The following LYPD5 variants were observed in gnomAD, a reference collection of about 807,000 sequenced individuals.
LYPD5 encodes the protein LY6/PLAUR domain containing 5.
In LYPD5, 21 loss-of-function variants were observed where a neutral mutation model predicts 19.1. That is an observed-to-expected ratio of 1.10 (90% confidence interval 0.78 to 1.58). The LOEUF (loss-of-function observed/expected upper bound fraction) is 1.58. Among genes scored for constraint, LYPD5 ranks in the 40% most tolerant of loss-of-function variants. The pLI is 0.00. For synonymous variants in LYPD5, 128 were observed against 142.7 expected (o/e 0.90, Z 0.74); for missense variants, 287 against 329.8 (o/e 0.87, Z 1.00).
At chr19:43,797,885 T>C (rs1970155588) in intron 4 of LYPD5, 56 bp from the exon 5 acceptor site, 3 of 1,353,916 alleles carry the variant, frequency 2.2e-6, no homozygotes, top group Non-Finnish European at 3.1e-6. Context: ...CAGCTGCACC[T>C]GAACCTTCAC....
chr19:43,802,430 T>G lies in LYPD5; in HGVS notation c.-50A>C. The G allele has an allele frequency of 6.6e-7, 1 of 1,522,066 alleles. No homozygotes were observed. Among genetic ancestry groups the G allele is most frequent in the Non-Finnish European group, 8.9e-7 (1 of 1,120,390 alleles). 94.3% of individuals were successfully genotyped at this position (1,522,066 alleles called of 1,614,324 possible). ...GCTCCTCCCGCTGTGATGTGCTGCC[T>G]GGCTGGTTCTCCTTACTGAGTCCTA... On this transcript the variant is annotated 5_prime_UTR_variant, in exon 1 of 5. Coordinates refer to ENST00000377950, the MANE Select transcript of LYPD5 (RefSeq NM_001031749.3).
intron 1 of LYPD5, among the ~76,000 whole-genome samples, chr19:43,801,361 C>T (rs920167350): frequency 7.2e-5 from 11 of 152,142 alleles, no homozygotes; most frequent in South Asian, 2.1e-4. Flanking sequence ...ATTAGCCAGG[C>T]GCAGTGGCAC....
At chr19:43,806,786 C>T (rs150069226), upstream of LYPD5, among the ~76,000 whole-genome samples, 1,723 of 152,224 alleles carry the variant, frequency 0.011, 14 homozygotes, top group Non-Finnish European at 0.016. Context: ...AGAAATAAAA[C>T]GCACAATAAA....
chr19:43,802,480 C>A, upstream of LYPD5: 1 of 1,124,754 alleles, frequency 8.9e-7, no homozygotes, highest in Non-Finnish European at 1.3e-6. Context: ...CCAGCCTGGC[C>A]AGTATTTCTT....
chr19:43,798,383 G>T, intron 4 of LYPD5, 72 bp downstream of exon 4: 2 of 1,556,320 alleles, frequency 1.3e-6, no homozygotes, highest in South Asian at 2.3e-5. Context: ...GGCCTGTCTG[G>T]TATCACTACC....
At chr19:43,820,298 C>G (rs565001921) in intron 1 of LYPD5, among the ~76,000 whole-genome samples, 1 of 152,304 alleles carries the variant, frequency 6.6e-6, no homozygotes, top group East Asian at 1.9e-4. Context: ...GGCACGTGCA[C>G]TCTCATACAG....
upstream of LYPD5, chr19:43,802,556 CA>C: frequency 2.4e-6 from 1 of 412,826 alleles, no homozygotes; most frequent in South Asian, 2.9e-5. Context: ...GGGTGATCCT[CA>C]GTTGCTGGAG....
chr19:43,818,928 T>C (rs895147955), intron 1 of LYPD5, among the ~76,000 whole-genome samples: 1 of 152,234 alleles, frequency 6.6e-6, no homozygotes, highest in African/African-American at 2.4e-5. Context: ...TGTCAATTCT[T>C]TAAGTTATAG....
chr19:43,800,662 T>C (rs1970211245), intron 1 of LYPD5, among the ~76,000 whole-genome samples: 1 of 151,832 alleles, frequency 6.6e-6, no homozygotes, highest in Non-Finnish European at 1.5e-5. Context: ...AAACATACAG[T>C]TTAAAATCAT....
chr19:43,804,134 G>A (rs1970251730), upstream of LYPD5, among the ~76,000 whole-genome samples: 3 of 152,142 alleles, frequency 2.0e-5, no homozygotes, highest in South Asian at 4.1e-4. Flanking sequence ...CACTGTGCCC[G>A]GCCTTCTCTG....
intron 1 of LYPD5, among the ~76,000 whole-genome samples, chr19:43,815,207 C>G (rs1224902050): frequency 2.0e-5 from 3 of 152,004 alleles, no homozygotes; most frequent in Admixed American, 6.6e-5. Flanking sequence ...AAAAATGAGT[C>G]AGAACAAAAT....
chr19:43,812,123 CTT>C, intron 1 of LYPD5, among the ~76,000 whole-genome samples: 1 of 152,264 alleles, frequency 6.6e-6, no homozygotes, highest in East Asian at 1.9e-4. Flanking sequence ...CTAGCTTGAA[CTT>C]TATCACATGG....
upstream of LYPD5, among the ~76,000 whole-genome samples, chr19:43,807,276 C>CTTTTTTTTTTTTTTTTTTT (rs1251451176): frequency 1.4e-5 from 2 of 144,094 alleles, no homozygotes. Context: ...CTTTTCTTTT[C>CTTTTTTTTTTTTTTTTTTT]TTTTCTTTTT....
Position 43,797,798 on chromosome 19 carries a change from G to A in LYPD5, c.549C>T (p.Thr183=). 3 of 1,613,878 alleles carry A rather than the reference G, an allele frequency of 1.9e-6. No individual in the cohort carries two copies. Among genetic ancestry groups the A allele is most frequent in the Non-Finnish European group, 2.5e-6 (3 of 1,179,894 alleles). The part of the protein sequence containing the change: ...GNFSVPVYIR[T]CHRPSCTTEG... ...CGGTGGTGCAGGAGGGCCGGTGGCA[G>A]GTTCTGATGTACACAGGGACTGAGA... is the stretch of plus-strand genomic sequence containing the variant. Residue 183 remains threonine, a synonymous_variant, in exon 5 of 5, where the codon ACC becomes ACT. Coordinates refer to ENST00000377950, the MANE Select transcript of LYPD5 (RefSeq NM_001031749.3).
At chr19:43,808,634 A>T (rs1049360252) in intron 1 of LYPD5, among the ~76,000 whole-genome samples, 1 of 152,214 alleles carries the variant, frequency 6.6e-6, no homozygotes, top group African/African-American at 2.4e-5. Context: ...GAGTAAATTC[A>T]TGGTCTGTTC....
At position 43,799,744 on chromosome 19, in the gene LYPD5, G is replaced by C. The variant is rs1970197682; in HGVS notation, c.155C>G (p.Pro52Arg). Residue 52 changes from proline (P) to arginine (R), a missense_variant, in exon 2 of 5, where the codon CCT becomes CGT. Pro to Arg is a moderately radical substitution (Grantham distance 103, BLOSUM62 -2). Coordinates refer to ENST00000377950, the MANE Select transcript of LYPD5 (RefSeq NM_001031749.3). Reference sequence around the variant, plus strand: ...CAGGATAGCCTCAAAGCACTCATGAGGACAGGAGATGCTGGGCAGCTTCAT... The same window carrying C: ...CAGGATAGCCTCAAAGCACTCATGACGACAGGAGATGCTGGGCAGCTTCAT... ...RAMKLPSISC[P>R]HECFEAILSL... The C allele has an allele frequency of 6.2e-7, 1 of 1,613,974 alleles. No homozygotes were observed. Among genetic ancestry groups the C allele is most frequent in the Non-Finnish European group, 8.5e-7 (1 of 1,179,944 alleles).
intron 1 of LYPD5, among the ~76,000 whole-genome samples, chr19:43,808,520 T>C (rs141330799): frequency 1.3e-5 from 2 of 152,256 alleles, no homozygotes; most frequent in South Asian, 2.1e-4. Flanking sequence ...GGTACCTGGA[T>C]TGACGAAAAG....
At position 43,797,027 on chromosome 19, in the gene LYPD5, G is replaced by A. The variant is rs1239529871; in HGVS notation, c.*564C>T. 2 of 150,194 alleles carry A rather than the reference G, an allele frequency of 1.3e-5. No homozygotes were observed. Among genetic ancestry groups the A allele is most frequent in the African/African-American group, 5.0e-5 (2 of 40,244 alleles). The allele number at this position is 150,194 out of a possible 1,614,324, so 9.3% of individuals were successfully genotyped here. ...GCCTGGCTTAAGTAACTCACCCATG[G>A]TCTCTGTAGGCTGAATGCTGGAGCT... On this transcript the variant is annotated 3_prime_UTR_variant, in exon 5 of 5. Coordinates refer to ENST00000377950, the MANE Select transcript of LYPD5 (RefSeq NM_001031749.3).
At chr19:43,818,631 C>G (rs959371323) in intron 1 of LYPD5, among the ~76,000 whole-genome samples, 1 of 152,168 alleles carries the variant, frequency 6.6e-6, no homozygotes, top group Non-Finnish European at 1.5e-5. Context: ...CCATTGCAGG[C>G]ATGAGGTCAG....
Sources: allele counts gnomAD v4.1 joint callset (sites outside exome capture counted in the v4.1 genomes callset), GRCh38; gene constraint gnomAD v4.1.1; transcripts MANE v1.5; gene names NCBI Gene and HGNC (gene_info 2026-07-23, HGNC 2026-07-21).